Variants in MED28 observed in about 807,000 individuals in gnomAD.
The protein encoded by MED28 is mediator complex subunit 28.
Under a neutral mutation model 21.3 loss-of-function variants are expected in MED28, and 26 were observed. The observed-to-expected ratio is 1.22, with a 90% confidence interval of 0.89 to 1.69. The LOEUF (loss-of-function observed/expected upper bound fraction) is 1.69. Among genes scored for constraint, MED28 ranks in the 40% most tolerant of loss-of-function variants. MED28 has a pLI of 0.00. For missense variants in MED28, 257 were observed against 215.4 expected, an observed-to-expected ratio of 1.19 and a Z score of -1.21; for synonymous variants, 110 against 87.6, an observed-to-expected ratio of 1.26 and a Z score of -1.43.
intron 1 of MED28, among the ~76,000 whole-genome samples, chr4:17,617,924 C>G (rs1303849694): frequency 6.6e-6 from 1 of 151,686 alleles, no homozygotes. Flanking sequence ...AATATATGTT[C>G]TCTTTCTAAG....
At chr4:17,616,091 G>T (rs535865171) in intron 1 of MED28, among the ~76,000 whole-genome samples, 58 of 152,154 alleles carry the variant, frequency 3.8e-4, no homozygotes, top group African/African-American at 1.3e-3. Context: ...CTCCCGAGTT[G>T]CTGGGATTAC....
chr4:17,621,303 T>C (rs1714622221), intron 2 of MED28, among the ~76,000 whole-genome samples: 1 of 152,112 alleles, frequency 6.6e-6, no homozygotes, highest in Admixed American at 6.6e-5. Flanking sequence ...TGAGCCACCA[T>C]GCCCAGCTGC....
Position 17,623,832 on chromosome 4 carries a change from C to T in MED28, c.*34C>T. ...CAGAGGCAGTTGGCCTATGAGTGGG[C>T]TGATGCGTGAGGTTGGCCACACATT... On this transcript the variant is annotated 3_prime_UTR_variant, in exon 4 of 4. Coordinates refer to ENST00000237380, the MANE Select transcript of MED28 (RefSeq NM_025205.5). 6.3e-7 allele frequency: 1 copy of T among 1,589,390 alleles called. No homozygotes were observed. Among genetic ancestry groups the T allele is most frequent in the Non-Finnish European group, 8.6e-7 (1 of 1,164,524 alleles).
At chr4:17,617,214 G>C (rs1160851616) in intron 1 of MED28, among the ~76,000 whole-genome samples, 1 of 152,192 alleles carries the variant, frequency 6.6e-6, no homozygotes, top group Non-Finnish European at 1.5e-5. Context: ...CTTGTCTCAC[G>C]ATTCAATTCA....
At chr4:17,616,972 C>A (rs1188239690) in intron 1 of MED28, among the ~76,000 whole-genome samples, 1 of 152,132 alleles carries the variant, frequency 6.6e-6, no homozygotes, top group African/African-American at 2.4e-5. Context: ...AAAACCAGTC[C>A]CTGCCTTCAG....
At chr4:17,618,249 TC>T (rs1218847907) in intron 1 of MED28, among the ~76,000 whole-genome samples, 1 of 152,090 alleles carries the variant, frequency 6.6e-6, no homozygotes, top group Admixed American at 6.6e-5. Context: ...ACTGAAGTGA[TC>T]CACCCATCTT....
Position 17,632,637 on chromosome 4 carries a change from A to G in MED28, c.*8839A>G, listed in dbSNP as rs1274782631. Reference sequence around the variant, plus strand: ...CACCATCTGGGGTCCTAAAAGCAAAAAAAGGTTTTTTTATATGGTTTTGAA... The same window carrying G: ...CACCATCTGGGGTCCTAAAAGCAAAGAAAGGTTTTTTTATATGGTTTTGAA... On this transcript the variant is annotated 3_prime_UTR_variant, in exon 4 of 4. Transcript: ENST00000237380. 1 of 1,534,994 alleles carries G rather than the reference A, an allele frequency of 6.5e-7. No individual in the cohort carries two copies. The highest frequency in any genetic ancestry group is 2.0e-5 in the Admixed American group (1 of 49,292).
At chr4:17,622,011 G>C (rs527712433) in intron 3 of MED28, among the ~76,000 whole-genome samples, 14 of 152,174 alleles carry the variant, frequency 9.2e-5, no homozygotes, top group Non-Finnish European at 1.6e-4. Context: ...TAACATATAG[G>C]CTTGTTTTGG....
Position 17,621,574 on chromosome 4 carries a change from CTTTT to C in MED28, c.227-7_227-4del, listed in dbSNP as rs527517388. 4 of 1,397,884 alleles carry C rather than the reference CTTTT, an allele frequency of 2.9e-6. No individual in the cohort carries two copies. Among genetic ancestry groups the C allele is most frequent in the East Asian group, 5.0e-5 (2 of 39,816 alleles). 86.6% of individuals were successfully genotyped at this position (1,397,884 alleles called of 1,614,324 possible). A position where few individuals can be genotyped will look rare whatever the true frequency, so the allele number is the denominator to read the frequency against. On this transcript the variant is annotated splice_polypyrimidine_tract_variant and intron_variant, in intron 2 of 3. Transcript: ENST00000237380. The stretch of plus-strand genomic sequence containing the variant: ...TTTTCTTATTTTAATAATTTTGTTC[CTTTT>C]TTTTTAAGGTGTTGATCAGTGTATC...
intron 3 of MED28, among the ~76,000 whole-genome samples, chr4:17,623,329 A>T (rs1714687118): frequency 7.2e-6 from 1 of 139,642 alleles, no homozygotes; most frequent in Non-Finnish European, 1.5e-5. Context: ...TGAACCCGGG[A>T]GGTGGAGGCT....
chr4:17,620,783 A>G (rs1577232203), intron 2 of MED28, among the ~76,000 whole-genome samples: 1 of 147,460 alleles, frequency 6.8e-6, no homozygotes, highest in East Asian at 2.0e-4. Context: ...GCTCACTGCA[A>G]CCTCTGCCTC....
chr4:17,624,020 T>C lies in MED28; in HGVS notation c.*222T>C. Reference sequence around the variant, plus strand: ...CTTGGATAAACCAAGTAAGTATTTTTTTTTTGTCTTTAGCAAAGTTTAGAC... The same window carrying C: ...CTTGGATAAACCAAGTAAGTATTTTCTTTTTGTCTTTAGCAAAGTTTAGAC... On this transcript the variant is annotated 3_prime_UTR_variant, in exon 4 of 4. Transcript: ENST00000237380. 1.8e-6 allele frequency: 1 copy of C among 559,196 alleles called. No individual in the cohort carries two copies. The highest frequency in any genetic ancestry group is 3.2e-6 in the Non-Finnish European group (1 of 314,804). 34.6% of individuals were successfully genotyped at this position (559,196 alleles called of 1,614,324 possible).
chr4:17,614,841 C>G, intron 1 of MED28, 28 bp downstream of exon 1: 1 of 1,558,856 alleles, frequency 6.4e-7, no homozygotes. Context: ...CGTCTTTGTC[C>G]CTAGCCTTCC....
chr4:17,629,644 TTC>T lies in MED28; in HGVS notation c.*5854_*5855del, dbSNP rs1030008771. 5 of 152,330 alleles carry T rather than the reference TTC, an allele frequency of 3.3e-5. No individual in the cohort carries two copies. The highest frequency in any genetic ancestry group is 2.0e-4 in the Admixed American group (3 of 15,292). 9.4% of individuals were successfully genotyped at this position (152,330 alleles called of 1,614,324 possible). ...AGATTTACCATTAAATACTGTTTTTTTCTCTCTCTTAACTTAATCCCGAATTG... is the reference window on the plus strand; with the variant it reads ...AGATTTACCATTAAATACTGTTTTTTTCTCTCTTAACTTAATCCCGAATTG... On this transcript the variant is annotated 3_prime_UTR_variant, in exon 4 of 4. Transcript: ENST00000237380.
intron 3 of MED28, among the ~76,000 whole-genome samples, chr4:17,622,717 A>G (rs1714670412): frequency 6.6e-6 from 1 of 152,196 alleles, no homozygotes; most frequent in Admixed American, 6.5e-5. Context: ...CCTGCTCATA[A>G]AGACATATCT....
At chr4:17,621,134 C>T (rs531030484) in intron 2 of MED28, among the ~76,000 whole-genome samples, 28 of 151,976 alleles carry the variant, frequency 1.8e-4, no homozygotes, top group African/African-American at 5.8e-4. Context: ...TCTGCCTCAG[C>T]CTCTTGAGTA....
At chr4:17,620,888 T>G in intron 2 of MED28, among the ~76,000 whole-genome samples, 1 of 151,754 alleles carries the variant, frequency 6.6e-6, no homozygotes, top group Non-Finnish European at 1.5e-5. Flanking sequence ...TTTATTTTTT[T>G]GTGGAGATGG....
chr4:17,625,733 A>G lies in MED28; in HGVS notation c.*1935A>G, dbSNP rs1292266712. 1 of 434,452 alleles carries G rather than the reference A, an allele frequency of 2.3e-6. No individual in the cohort carries two copies. The highest frequency in any genetic ancestry group is 2.0e-5 in the African/African-American group (1 of 49,210). The allele number at this position is 434,452 out of a possible 1,614,324, so 26.9% of individuals were successfully genotyped here. A position where few individuals can be genotyped will look rare whatever the true frequency, so the allele number is the denominator to read the frequency against. On this transcript the variant is annotated 3_prime_UTR_variant, in exon 4 of 4. Coordinates refer to ENST00000237380, the MANE Select transcript of MED28 (RefSeq NM_025205.5). ...TTTTTCAGGGAGAAAATCACAAGCC[A>G]TCTTCTCAAGTTCCCCTAGAAACCT... is the stretch of plus-strand genomic sequence containing the variant.
intron 3 of MED28, among the ~76,000 whole-genome samples, chr4:17,622,484 T>A (rs1007114442): frequency 1.3e-5 from 2 of 152,196 alleles, no homozygotes; most frequent in South Asian, 2.1e-4. Flanking sequence ...GACTGGATGG[T>A]TAGTAAAGGA....
Sources: allele counts gnomAD v4.1 joint callset (sites outside exome capture counted in the v4.1 genomes callset), GRCh38; gene constraint gnomAD v4.1.1; transcripts MANE v1.5; gene names NCBI Gene and HGNC (gene_info 2026-07-23, HGNC 2026-07-21).